Variants in PRPF6 observed in about 807,000 individuals in gnomAD.
PRPF6 encodes pre-mRNA processing factor 6.
In PRPF6, 42 loss-of-function variants were observed where a neutral mutation model predicts 118.3. The observed-to-expected ratio is 0.35, with a 90% CI of 0.28 to 0.46. The LOEUF (loss-of-function observed/expected upper bound fraction) is 0.46. PRPF6 is among the 20% of genes least tolerant of loss of function. The probability of loss-of-function intolerance (pLI) is 1.00; values close to 1 mark genes in which losing one functional copy is unlikely to be tolerated. For missense variants in PRPF6, 662 were observed against 1,255.7 expected (o/e 0.53, Z 7.15); for synonymous variants, 481 against 485.1 (o/e 0.99, Z 0.11).
At chr20:63,998,841 CAAA>C (rs543676271) in intron 6 of PRPF6, among the ~76,000 whole-genome samples, 2 of 103,776 alleles carry the variant, frequency 1.9e-5, no homozygotes, top group Admixed American at 1.0e-4. Flanking sequence ...GACTCCATCT[CAAA>C]AAAAAAAAAA....
Position 63,995,309 on chromosome 20 carries a change from T to A in PRPF6, c.616-18T>A, listed in dbSNP as rs1367525287. On this transcript the variant is annotated intron_variant, in intron 5 of 20. Coordinates refer to ENST00000266079, the MANE Select transcript of PRPF6 (RefSeq NM_012469.4). ...CAAACCGTTGTTTTATTCTTGCCTT[T>A]CCTCTCTTCCCCTCCAGCAATTTGG... is the stretch of plus-strand genomic sequence containing the variant. 1 of 1,602,838 alleles carries A rather than the reference T, an allele frequency of 6.2e-7. No individual in the cohort carries two copies. Among genetic ancestry groups the A allele is most frequent in the Non-Finnish European group, 8.5e-7 (1 of 1,174,286 alleles).
chr20:64,029,577 G>A lies in PRPF6; in HGVS notation c.2546+86G>A, dbSNP rs905355101. The A allele has an allele frequency of 5.8e-6, 7 of 1,209,270 alleles. No homozygotes were observed. Among genetic ancestry groups the A allele is most frequent in the Non-Finnish European group, 8.5e-6 (7 of 823,732 alleles). 74.9% of individuals were successfully genotyped at this position (1,209,270 alleles called of 1,614,324 possible). ...GTCTGTCTGCCTCTTCCTGGTCATTGTAAAGATGCCCGGCAGCAGGGTGGG... is the reference window on the plus strand; with the variant it reads ...GTCTGTCTGCCTCTTCCTGGTCATTATAAAGATGCCCGGCAGCAGGGTGGG... On this transcript the variant is annotated intron_variant, in intron 19 of 20. Transcript: ENST00000266079. The surrounding 1 kb of genome is among the most constrained non-coding windows in gnomAD (Gnocchi z 4.8).
intron 13 of PRPF6, among the ~76,000 whole-genome samples, chr20:64,023,856 C>A (rs887823056): frequency 2.0e-5 from 3 of 152,230 alleles, no homozygotes; most frequent in Non-Finnish European, 4.4e-5. Context: ...TGCCCTCCGA[C>A]TTCCCTGCCT....
In PRPF6 at chr20:64,032,783, G is replaced by A. The variant is rs1306087991; in HGVS notation, c.2674-58G>A. 15 of 1,556,154 alleles carry A rather than the reference G, an allele frequency of 9.6e-6. No homozygotes were observed. In the East Asian group the frequency reaches 1.7e-4, roughly 18 times the overall value. On this transcript the variant is annotated intron_variant, in intron 20 of 20. Coordinates refer to ENST00000266079, the MANE Select transcript of PRPF6 (RefSeq NM_012469.4). Reference sequence around the variant, plus strand: ...TGCAGGGGCCAGGCGAGAAGCAGGCGAGGTCCGGGGAGTAGCGTGGGAGGA... The same window carrying A: ...TGCAGGGGCCAGGCGAGAAGCAGGCAAGGTCCGGGGAGTAGCGTGGGAGGA...
rs60353771 is a variant in PRPF6 at position 64,001,340 on chromosome 20, A to G, written c.1186+101A>G. ...AGGCTTTTGGTGAGAGTGGATAAGGAACCAGGGACATTTTTCAGGCCTTTT... is the reference window on the plus strand; with the variant it reads ...AGGCTTTTGGTGAGAGTGGATAAGGGACCAGGGACATTTTTCAGGCCTTTT... On this transcript the variant is annotated intron_variant, in intron 9 of 20. Transcript: ENST00000266079. 4.7e-3 allele frequency: 6,487 copies of G among 1,393,694 alleles called. 192 individuals are homozygous for G. In the African/African-American group the frequency reaches 0.069, roughly 15 times the overall value. 86.3% of individuals were successfully genotyped at this position (1,393,694 alleles called of 1,614,324 possible).
In PRPF6 at chr20:64,028,555, AGTGCCCCAACTCCGGTAAGGGG is replaced by A; in HGVS notation, c.2425_2431+15del. 5 of 1,613,370 alleles carry A rather than the reference AGTGCCCCAACTCCGGTAAGGGG, an allele frequency of 3.1e-6. No homozygotes were observed. Among genetic ancestry groups the A allele is most frequent in the Non-Finnish European group, 4.2e-6 (5 of 1,179,970 alleles). ...ACACTCATGGCCAAGGCGCTGCAGG[AGTGCCCCAACTCCGGTAAGGGG>A]GTGCCCCGACTCCGGTAAGGGGGTG... On this transcript the variant is annotated splice_donor_variant and splice_donor_5th_base_variant and coding_sequence_variant and intron_variant, in exon 18 of 21. Transcript: ENST00000266079. LOFTEE classifies it high-confidence loss of function. The surrounding 1 kb of genome is among the most constrained non-coding windows in gnomAD (Gnocchi z 6.5).
At chr20:63,995,185 G>A in intron 5 of PRPF6, 93 bp downstream of exon 5, 1 of 1,595,572 alleles carries the variant, frequency 6.3e-7, no homozygotes, top group East Asian at 2.2e-5. Context: ...TGCTTCTGCA[G>A]GTCATGGCTA....
intron 9 of PRPF6, among the ~76,000 whole-genome samples, chr20:64,006,027 G>A (rs2059188467): frequency 2.0e-5 from 3 of 152,204 alleles, no homozygotes; most frequent in Admixed American, 6.5e-5. Flanking sequence ...GGGCCACTGT[G>A]CTCAGCCAGG....
Position 64,016,993 on chromosome 20 carries a change from A to C in PRPF6, c.1647+148A>C, listed in dbSNP as rs566139115. On this transcript the variant is annotated intron_variant, in intron 12 of 20. Transcript: ENST00000266079. ...GGTCTTGCTCTGTCGCCCAGGCTGG[A>C]GTGCAGTGGCGCTATCTCAGCTCAC... is the stretch of plus-strand genomic sequence containing the variant. 4.5e-5 allele frequency: 51 copies of C among 1,131,930 alleles called. No individual in the cohort carries two copies. In the African/African-American group the frequency reaches 7.2e-4, roughly 16 times the overall value. 70.1% of individuals were successfully genotyped at this position (1,131,930 alleles called of 1,614,324 possible).
At chr20:63,994,621 C>T (rs1342993061) in intron 4 of PRPF6, among the ~76,000 whole-genome samples, 1 of 152,032 alleles carries the variant, frequency 6.6e-6, no homozygotes, top group African/African-American at 2.4e-5. Context: ...AAAATAAAAA[C>T]TTAGCCAGGC....
In PRPF6 at chr20:64,026,934, G is replaced by C. The variant is rs199623005; in HGVS notation, c.2029-48G>C. 1 of 1,607,530 alleles carries C rather than the reference G, an allele frequency of 6.2e-7. No homozygotes were observed. Among genetic ancestry groups the C allele is most frequent in the Non-Finnish European group, 8.5e-7 (1 of 1,174,978 alleles). On this transcript the variant is annotated intron_variant, in intron 15 of 20. Transcript: ENST00000266079. This position sits in a 1 kb window ranked among gnomAD's most constrained non-coding sequence, Gnocchi z 4.4. Reference sequence around the variant, plus strand: ...TGAGGATGAGTGTACCATGAAGCACGTACCCTGGAGCTGATGCCCTGCGTG... The same window carrying C: ...TGAGGATGAGTGTACCATGAAGCACCTACCCTGGAGCTGATGCCCTGCGTG...
intron 6 of PRPF6, among the ~76,000 whole-genome samples, chr20:63,996,318 A>G (rs1342379698): frequency 1.3e-5 from 2 of 152,106 alleles, no homozygotes; most frequent in African/African-American, 4.8e-5. Context: ...CGGCCTGGGC[A>G]ACAGAGTGAG....
intron 19 of PRPF6, among the ~76,000 whole-genome samples, chr20:64,030,061 T>C (rs2059308539): frequency 1.3e-5 from 2 of 152,260 alleles, no homozygotes; most frequent in South Asian, 4.1e-4. Context: ...CGGGTAGCCA[T>C]GGGGCAGAGC....
chr20:64,028,813 T>C lies in PRPF6; in HGVS notation c.2431+244T>C, dbSNP rs564543857. On this transcript the variant is annotated intron_variant, in intron 18 of 20. Transcript: ENST00000266079. This position sits in a 1 kb window ranked among gnomAD's most constrained non-coding sequence, Gnocchi z 6.5. ...CTTAATGAAATTCTTGGCCTCAAAA[T>C]GGGAGAATTTGATTTCATTTCTGAA... Among the ~76,000 whole-genome samples, 30 of 152,218 alleles carry C rather than the reference T, an allele frequency of 2.0e-4. No individual in the cohort carries two copies. The highest frequency in any genetic ancestry group is 4.0e-4 in the Non-Finnish European group (27 of 68,040).
rs1471985394 is a variant in PRPF6 at position 64,029,858 on chromosome 20, T to C, written c.2546+367T>C. On this transcript the variant is annotated intron_variant, in intron 19 of 20. Coordinates refer to ENST00000266079, the MANE Select transcript of PRPF6 (RefSeq NM_012469.4). The surrounding 1 kb of genome is among the most constrained non-coding windows in gnomAD (Gnocchi z 4.8). ...TCTGGTCGCCGGGTCAGAGACTCAC[T>C]GGGGACGCATGTGATTCACACTGGT... Among the ~76,000 whole-genome samples, 1 of 149,410 alleles carries C rather than the reference T, an allele frequency of 6.7e-6. No homozygotes were observed. Among genetic ancestry groups the C allele is most frequent in the Non-Finnish European group, 1.5e-5 (1 of 67,608 alleles).
At chr20:64,030,285 C>T (rs1004458748) in intron 19 of PRPF6, among the ~76,000 whole-genome samples, 2 of 152,182 alleles carry the variant, frequency 1.3e-5, no homozygotes, top group Non-Finnish European at 2.9e-5. Context: ...CCTGAGGCTG[C>T]AGCTCAGGAC....
chr20:64,001,871 G>A (rs933395942), intron 9 of PRPF6, among the ~76,000 whole-genome samples: 11 of 152,114 alleles, frequency 7.2e-5, no homozygotes, highest in African/African-American at 2.7e-4. Context: ...TTCATAAAAG[G>A]AGCACTGTTT....
chr20:63,992,018 G>A (rs181226737), intron 3 of PRPF6, among the ~76,000 whole-genome samples: 2 of 152,270 alleles, frequency 1.3e-5, no homozygotes, highest in Admixed American at 1.3e-4. Context: ...AGGAAAGGTG[G>A]GATGAGTTCA....
intron 1 of PRPF6, 101 bp downstream of exon 1, chr20:63,981,417 A>T: frequency 8.5e-7 from 1 of 1,182,140 alleles, no homozygotes; most frequent in Non-Finnish European, 1.2e-6. Context: ...CGCAGTCTGA[A>T]AGACGCTTGG....
Sources: gnomAD v4.1 joint callset for allele counts (sites outside exome capture counted in the v4.1 genomes callset) on GRCh38, gnomAD v4.1.1 for gene constraint, Gnocchi (gnomAD v3.1) non-coding constraint, MANE v1.5 for transcripts, NCBI Gene and HGNC (gene_info 2026-07-23, HGNC 2026-07-21) for gene names.